KIR2DL4: variants seen among roughly 807,000 people sequenced by gnomAD.
The protein encoded by KIR2DL4 is killer cell immunoglobulin like receptor, two Ig domains and long cytoplasmic tail 4.
Under a neutral mutation model 31.0 loss-of-function variants are expected in KIR2DL4, and 41 were observed. That is an observed-to-expected ratio of 1.32 (90% confidence interval 1.03 to 1.72). The LOEUF (loss-of-function observed/expected upper bound fraction) is 1.72, where lower values mean the gene tolerates loss of function less well. Ranked by LOEUF, KIR2DL4 falls within the 40% of genes most tolerant of loss-of-function variation. KIR2DL4 has a pLI of 0.00. For missense variants in KIR2DL4, 438 were observed against 353.7 expected, an observed-to-expected ratio of 1.24 and a Z score of -1.91; for synonymous variants, 164 against 133.6, an observed-to-expected ratio of 1.23 and a Z score of -1.57.
chr19:54,805,143 G>A (rs1195892912), intron 3 of KIR2DL4, 66 bp downstream of exon 3: 27 of 1,448,186 alleles, frequency 1.9e-5, no homozygotes, highest in East Asian at 4.6e-5. Flanking sequence ...TCTGGTGGGG[G>A]TGTCCACCAG....
rs3050844 is a variant in KIR2DL4, at chr19:54,805,833, T to TGA, written c.362-102_362-101dup. ...GACAGGAAGAGTTGGGGGTGGAGGG[T>TGA]GAGAGAGAGAGAGAGAGCACTAGGC... On this transcript the variant is annotated intron_variant, in intron 3 of 7. Transcript: ENST00000359085. 2,186 of 825,610 alleles carry TGA rather than the reference T, an allele frequency of 2.6e-3. 1 individual carries two copies. The highest frequency in any genetic ancestry group is 4.9e-3 in the South Asian group (267 of 54,610). 51.1% of individuals were successfully genotyped at this position (825,610 alleles called of 1,614,324 possible). A position where few individuals can be genotyped will look rare whatever the true frequency, so the allele number is the denominator to read the frequency against.
In KIR2DL4 at chr19:54,813,409, C is replaced by A. The variant is rs1395668160; in HGVS notation, c.810+181C>A. ...CCTGCCTTCAGCTCACAGACCGTTG[C>A]CTGATTGTGAACTGTATCCTCACGT... On this transcript the variant is annotated intron_variant, in intron 6 of 7. Transcript: ENST00000359085. The A allele has an allele frequency of 1.2e-5, 10 of 858,016 alleles. No homozygotes were observed. The African/African-American group carries it at 1.7e-4, about 14-fold the overall frequency. The allele number at this position is 858,016 out of a possible 1,614,324, so 53.2% of individuals were successfully genotyped here.
At position 54,806,327 on chromosome 19, in the gene KIR2DL4, A is replaced by G. The variant is rs902424053; in HGVS notation, c.655+83A>G. 6 of 1,395,944 alleles carry G rather than the reference A, an allele frequency of 4.3e-6. 1 individual carries two copies. In the East Asian group the frequency reaches 6.9e-5, roughly 16 times the overall value. The allele number at this position is 1,395,944 out of a possible 1,614,324, so 86.5% of individuals were successfully genotyped here. ...CTTCCTGCTGATGATGGAGAGAAGC[A>G]TGGACAGATGTGGAGAGAAGATGCA... is the stretch of plus-strand genomic sequence containing the variant. On this transcript the variant is annotated intron_variant, in intron 4 of 7. Coordinates refer to ENST00000359085, the Ensembl canonical transcript of KIR2DL4.
chr19:54,807,834 C>T (rs2060619286), intron 4 of KIR2DL4, among the ~76,000 whole-genome samples: 1 of 149,294 alleles, frequency 6.7e-6, no homozygotes, highest in Non-Finnish European at 1.5e-5. Flanking sequence ...TCTCCTTTCT[C>T]CACCACCTTG....
intron 4 of KIR2DL4, among the ~76,000 whole-genome samples, chr19:54,807,096 A>T (rs1284740826): frequency 6.7e-6 from 1 of 150,354 alleles, no homozygotes; most frequent in African/African-American, 2.5e-5. Flanking sequence ...CCACCATTCT[A>T]CTCTCTACCT....
At chr19:54,804,016 G>C (rs1190405001) in intron 2 of KIR2DL4, 90 bp downstream of exon 2, 2 of 1,182,548 alleles carry the variant, frequency 1.7e-6, no homozygotes, top group Non-Finnish European at 2.5e-6. Flanking sequence ...CAGAGGGTGG[G>C]CTGATGGGCT....
intron 5 of KIR2DL4, among the ~76,000 whole-genome samples, chr19:54,811,453 G>A (rs2060863778): frequency 6.6e-6 from 1 of 151,054 alleles, no homozygotes; most frequent in African/African-American, 2.4e-5. Flanking sequence ...AATGACAAAG[G>A]CACACCAATT....
In KIR2DL4 at chr19:54,806,210, A is replaced by G. The variant is rs2060519532; in HGVS notation, c.621A>G (p.Ser207=). 3.1e-6 allele frequency: 5 copies of G among 1,610,770 alleles called. No individual in the cohort carries two copies. In the African/African-American group the frequency reaches 4.1e-5, roughly 13 times the overall value. Reference sequence around the variant, plus strand: ...TCCATGGATCTCCCTACGAGTGGTCAGACCCGAGTGACCCACTGCCTGTTT... The same window carrying G: ...TCCATGGATCTCCCTACGAGTGGTCGGACCCGAGTGACCCACTGCCTGTTT... Residue 207 remains serine (S), a synonymous_variant, in exon 4 of 8, where the codon TCA becomes TCG. Transcript: ENST00000359085.
chr19:54,813,384 C>G, intron 6 of KIR2DL4: 2 of 1,152,934 alleles, frequency 1.7e-6, no homozygotes, highest in Non-Finnish European at 2.4e-6. Flanking sequence ...ACACCCTGCC[C>G]CTGCCTTCAG....
rs1355132917 is a variant in KIR2DL4, at chr19:54,806,089, G to A, written c.500G>A (p.Arg167Lys). ...AGGGAGGGGGAAGCCCATGAACTTA[G>A]GCTCCCTGCAGTGCCCAGCATCAAT... The change falls in exon 4 of 8, where the codon AGG becomes AAG. Residue 167 changes from arginine (R) to lysine (K), a missense_variant. Transcript: ENST00000359085. 3 of 1,612,096 alleles carry A rather than the reference G, an allele frequency of 1.9e-6. 1 individual carries two copies. In the South Asian group the frequency reaches 3.3e-5, roughly 18 times the overall value.
Position 54,803,887 on chromosome 19 carries a change from G to T in KIR2DL4, c.41-4G>T, listed in dbSNP as rs1404146907. On this transcript the variant is annotated splice_polypyrimidine_tract_variant and splice_region_variant and intron_variant, in intron 1 of 7. Coordinates refer to ENST00000359085, the Ensembl canonical transcript of KIR2DL4. The stretch of plus-strand genomic sequence containing the variant: ...GAATAGTTCATCATGATCTTTCTTT[G>T]CAGGGTTCTTCTTGGACCAGAGTGT... The T allele has an allele frequency of 6.2e-7, 1 of 1,609,722 alleles. No individual in the cohort carries two copies. The highest frequency in any genetic ancestry group is 8.5e-7 in the Non-Finnish European group (1 of 1,178,492).
intron 4 of KIR2DL4, among the ~76,000 whole-genome samples, 186 bp downstream of exon 4, chr19:54,806,430 A>T (rs1407366599): frequency 6.6e-6 from 1 of 150,544 alleles, no homozygotes; most frequent in Non-Finnish European, 1.5e-5. Context: ...CCTGCATGGA[A>T]GCTTGCAGTA....
chr19:54,807,295 A>G (rs1354190544), intron 4 of KIR2DL4, among the ~76,000 whole-genome samples: 8 of 151,166 alleles, frequency 5.3e-5, no homozygotes, highest in African/African-American at 2.0e-4. Flanking sequence ...GGTTGACTCC[A>G]CATCTTGGCT....
intron 5 of KIR2DL4, among the ~76,000 whole-genome samples, chr19:54,811,855 T>C (rs949497359): frequency 1.3e-5 from 2 of 151,210 alleles, no homozygotes; most frequent in African/African-American, 4.9e-5. Flanking sequence ...GGGGTGGTCT[T>C]TCCCCCAGAC....
intron 4 of KIR2DL4, among the ~76,000 whole-genome samples, chr19:54,808,557 G>A (rs1339649685): frequency 1.3e-5 from 2 of 149,754 alleles, no homozygotes; most frequent in Non-Finnish European, 3.0e-5. Context: ...ATTGTTTTAT[G>A]TGCTTTTCTT....
At chr19:54,809,736 G>T (rs1196654092) in intron 5 of KIR2DL4, among the ~76,000 whole-genome samples, 4 of 151,338 alleles carry the variant, frequency 2.6e-5, no homozygotes, top group African/African-American at 9.8e-5. Flanking sequence ...TTCTCTGAAT[G>T]CTGCTCTGCC....
exon 8 of KIR2DL4, chr19:54,814,212 G>A (rs2061074603): frequency 9.1e-6 from 12 of 1,321,442 alleles, no homozygotes; most frequent in Middle Eastern, 2.3e-4. Context: ...GCCTGCTGCA[G>A]AGAAAACACA....
intron 5 of KIR2DL4, among the ~76,000 whole-genome samples, chr19:54,809,766 G>A (rs1231717960): frequency 6.6e-6 from 1 of 151,206 alleles, no homozygotes. Flanking sequence ...ATCTTTTAAG[G>A]ACTTTGGCAT....
intron 5 of KIR2DL4, among the ~76,000 whole-genome samples, chr19:54,811,563 TG>T (rs2060870894): frequency 6.6e-6 from 1 of 151,062 alleles, no homozygotes; most frequent in African/African-American, 2.4e-5. Context: ...TGGCTTTCTG[TG>T]AGCATGAGAT....
Sources: allele counts gnomAD v4.1 joint callset (sites outside exome capture counted in the v4.1 genomes callset), GRCh38; gene constraint gnomAD v4.1.1; transcripts MANE v1.5; gene names NCBI Gene and HGNC (gene_info 2026-07-23, HGNC 2026-07-21).